LRP1B: variants seen among roughly 807,000 people sequenced by gnomAD.
LRP1B encodes the protein low-density lipoprotein receptor-related protein 1B.
In LRP1B, 217 loss-of-function variants were observed where a neutral mutation model predicts 556.6. The observed-to-expected ratio is 0.39, with a 90% CI of 0.35 to 0.44. The LOEUF (loss-of-function observed/expected upper bound fraction) is 0.44. Ranked by LOEUF, LRP1B falls within the 20% of genes least tolerant of loss-of-function variation. LRP1B has a pLI of 1.00. For missense variants in LRP1B, 5,053 were observed against 5,620.8 expected (o/e 0.90, Z 3.23); for synonymous variants, 2,047 against 1,865.8 (o/e 1.10, Z -2.50).
At chr2:140,398,766 A>G (rs1202314250) in intron 66 of LRP1B, among the ~76,000 whole-genome samples, 1 of 152,132 alleles carries the variant, frequency 6.6e-6, no homozygotes, top group East Asian at 1.9e-4. Context: ...TTCCAGGAAG[A>G]ACAAATTCTG....
chr2:141,100,714 G>A (rs1015177771), intron 7 of LRP1B, among the ~76,000 whole-genome samples: 1 of 152,178 alleles, frequency 6.6e-6, no homozygotes, highest in Non-Finnish European at 1.5e-5. Flanking sequence ...AGGGTTTGCT[G>A]TTGGAATAGT....
chr2:140,748,786 T>TATATATC (rs1688454476), intron 35 of LRP1B, among the ~76,000 whole-genome samples: 1 of 44,306 alleles, frequency 2.3e-5, no homozygotes, highest in East Asian at 7.9e-4. Context: ...ATGTATATAA[T>TATATATC]ATATATTATA....
intron 34 of LRP1B, among the ~76,000 whole-genome samples, 170 bp downstream of exon 34, chr2:140,770,711 A>G (rs1689280299): frequency 6.6e-6 from 1 of 152,106 alleles, no homozygotes; most frequent in Non-Finnish European, 1.5e-5. Context: ...TATTTTAAAT[A>G]TTTCAAATAT....
At chr2:141,134,927 A>G (rs113275975) in intron 7 of LRP1B, among the ~76,000 whole-genome samples, 8,093 of 151,844 alleles carry the variant, frequency 0.053, 308 homozygotes, top group South Asian at 0.11. Flanking sequence ...GTATTTATAT[A>G]TATATATATT....
At position 140,514,772 on chromosome 2, in the gene LRP1B, T is replaced by C. The variant is rs2104932458; in HGVS notation, c.8150A>G (p.Asp2717Gly). Residue 2717 changes from aspartate to glycine, a missense_variant and splice_region_variant, in exon 51 of 91, where the codon GAT becomes GGT. By Grantham distance (94) the Asp-to-Gly change is moderately conservative (BLOSUM62 -1). Around this residue, in one of 5 missense-constraint regions of LRP1B, gnomAD observed 3,619 missense variants for 3,931.9 expected, o/e 0.92. Transcript: ENST00000389484. ...CEDGRDEFHC[D>G]SSCSWNQFAC... ...AAATTGGTTCCAAGAGCAAGAAGAA[T>C]CTAGGAAACAAACAAAAGGAAAAAA... 2 of 1,605,614 alleles carry C rather than the reference T, an allele frequency of 1.2e-6. No individual in the cohort carries two copies. The highest frequency in any genetic ancestry group is 4.5e-5 in the East Asian group (2 of 44,662).
At chr2:142,006,795 C>T (rs1162904209) in intron 1 of LRP1B, among the ~76,000 whole-genome samples, 2 of 152,094 alleles carry the variant, frequency 1.3e-5, no homozygotes, top group East Asian at 3.8e-4. Flanking sequence ...AGGGAGACAT[C>T]TGGTCTTCCC....
At chr2:140,263,383 C>T (rs1261981687) in intron 86 of LRP1B, among the ~76,000 whole-genome samples, 1 of 152,086 alleles carries the variant, frequency 6.6e-6, no homozygotes, top group Non-Finnish European at 1.5e-5. Context: ...ATGAGCCACA[C>T]CCATAATCCT....
chr2:140,821,543 T>C (rs1174207016), intron 31 of LRP1B, among the ~76,000 whole-genome samples: 1 of 152,214 alleles, frequency 6.6e-6, no homozygotes, highest in Admixed American at 6.5e-5. Context: ...TTAAAAAATT[T>C]ACTTCTAAAA....
At chr2:140,347,350 A>G (rs1326231872) in intron 77 of LRP1B, among the ~76,000 whole-genome samples, 1 of 151,802 alleles carries the variant, frequency 6.6e-6, no homozygotes, top group African/African-American at 2.4e-5. Context: ...TTATAAAAGT[A>G]TTTCTAACTA....
intron 32 of LRP1B, among the ~76,000 whole-genome samples, chr2:140,791,379 T>C (rs975701422): frequency 1.3e-5 from 2 of 152,006 alleles, no homozygotes; most frequent in African/African-American, 4.8e-5. Context: ...CAGTGAGCCA[T>C]GATCTCACAA....
chr2:141,753,067 G>T (rs542761342), intron 2 of LRP1B, among the ~76,000 whole-genome samples: 117 of 149,432 alleles, frequency 7.8e-4, no homozygotes, highest in South Asian at 2.1e-3. Context: ...TAACCAACAT[G>T]GAAAAATGCC....
intron 2 of LRP1B, among the ~76,000 whole-genome samples, chr2:141,592,366 T>A (rs1335854762): frequency 2.0e-5 from 3 of 152,126 alleles, no homozygotes; most frequent in African/African-American, 4.8e-5. Flanking sequence ...TGCATTTTGG[T>A]TTCATAGGTG....
intron 35 of LRP1B, among the ~76,000 whole-genome samples, chr2:140,719,428 C>T (rs914328899): frequency 1.7e-4 from 26 of 152,006 alleles, no homozygotes; most frequent in African/African-American, 6.0e-4. Context: ...AAAAAAGGTA[C>T]CCCTTCATTT....
At chr2:141,182,534 T>C (rs1681050899) in intron 7 of LRP1B, among the ~76,000 whole-genome samples, 1 of 151,948 alleles carries the variant, frequency 6.6e-6, no homozygotes, top group Non-Finnish European at 1.5e-5. Context: ...TTCATTTTAT[T>C]AGTTTTTTTT....
At chr2:140,764,720 GCCCA>G (rs1223794273) in intron 35 of LRP1B, among the ~76,000 whole-genome samples, 3 of 152,080 alleles carry the variant, frequency 2.0e-5, no homozygotes, top group Non-Finnish European at 2.9e-5. Flanking sequence ...AAACAGCCTT[GCCCA>G]CTATCAACAT....
At chr2:141,569,823 G>T (rs1417864546) in intron 2 of LRP1B, among the ~76,000 whole-genome samples, 1 of 151,100 alleles carries the variant, frequency 6.6e-6, no homozygotes, top group Non-Finnish European at 1.5e-5. Flanking sequence ...TACTTTGAAG[G>T]ACATGTGAGA....
chr2:140,587,393 A>G (rs747098467), intron 43 of LRP1B, among the ~76,000 whole-genome samples: 9 of 152,218 alleles, frequency 5.9e-5, no homozygotes, highest in Non-Finnish European at 1.2e-4. Flanking sequence ...CCCAAGACGC[A>G]TCATAATTTA....
chr2:140,950,718 T>C (rs1425321049), intron 19 of LRP1B, among the ~76,000 whole-genome samples: 3 of 152,024 alleles, frequency 2.0e-5, no homozygotes, highest in Non-Finnish European at 4.4e-5. Flanking sequence ...TATCAAACTC[T>C]TGGCCTCAAG....
chr2:140,694,876 T>C (rs1054875645), intron 41 of LRP1B, among the ~76,000 whole-genome samples: 5 of 152,096 alleles, frequency 3.3e-5, no homozygotes, highest in African/African-American at 1.2e-4. Context: ...ATTTTAATTA[T>C]AGTGATCATA....
Sources: gnomAD v4.1 joint callset for allele counts (sites outside exome capture counted in the v4.1 genomes callset) on GRCh38, gnomAD v4.1.1 for gene constraint, gnomAD v4.1.1 regional missense constraint, MANE v1.5 for transcripts, NCBI Gene and HGNC (gene_info 2026-07-23, HGNC 2026-07-21) for gene names.